The following PHRF1 variants were observed in gnomAD, a reference collection of about 807,000 sequenced individuals.
PHRF1 encodes the protein PHD and RING finger domain-containing protein 1.
In PHRF1, 53 loss-of-function variants were observed where a neutral mutation model predicts 128.9. The observed-to-expected ratio is 0.41, with a 90% confidence interval of 0.33 to 0.52. The LOEUF is 0.52. Ranked by LOEUF, PHRF1 falls within the 20% of genes least tolerant of loss-of-function variation. The pLI, the probability that PHRF1 is intolerant of heterozygous loss-of-function variation, is 0.21. For missense variants in PHRF1, 2,503 were observed against 2,284.5 expected, an observed-to-expected ratio of 1.10 and a Z score of -1.95; for synonymous variants, 1,178 against 980.6, an observed-to-expected ratio of 1.20 and a Z score of -3.76.
rs1434083274 is a variant in PHRF1, at chr11:576,472, A to G, written c.-142A>G. 6.6e-6 allele frequency: 1 copy of G among 152,546 alleles called. No individual in the cohort carries two copies. Among genetic ancestry groups the G allele is most frequent in the Admixed American group, 6.5e-5 (1 of 15,272 alleles). 9.4% of individuals were successfully genotyped at this position (152,546 alleles called of 1,614,324 possible). On this transcript the variant is annotated 5_prime_UTR_variant, in exon 1 of 18. Coordinates refer to ENST00000264555, the MANE Select transcript of PHRF1 (RefSeq NM_001286581.2). The stretch of plus-strand genomic sequence containing the variant: ...GAGGAGCCCGGAAGAGGCGCCGTGC[A>G]CTTCCGGGTCGAAGAGCGCACGGCG...
intron 4 of PHRF1, 38 bp from the exon 5 acceptor site, chr11:591,346 G>A (rs1230436138): frequency 6.5e-7 from 1 of 1,541,466 alleles, no homozygotes; most frequent in Admixed American, 1.8e-5. Flanking sequence ...AAGTGAAAGT[G>A]ATTGACAAGA....
chr11:600,002 T>A lies in PHRF1; in HGVS notation c.1024+1500T>A, dbSNP rs536760696. ...TGTTGATGGGCGTTTGGCTGGGTGT[T>A]TTTTGCAGTTAAAATTGTTTTAATC... On this transcript the variant is annotated intron_variant, in intron 9 of 17. Coordinates refer to ENST00000264555, the MANE Select transcript of PHRF1 (RefSeq NM_001286581.2). 1.0e-3 allele frequency among the ~76,000 whole-genome samples: 154 copies of A among 152,264 alleles called. No individual in the cohort carries two copies. In the Middle Eastern group the frequency reaches 0.01, roughly 10 times the overall value.
chr11:590,140 G>T (rs1360102791), intron 4 of PHRF1, among the ~76,000 whole-genome samples: 1 of 151,204 alleles, frequency 6.6e-6, no homozygotes, highest in Non-Finnish European at 1.5e-5. Flanking sequence ...TCAGCAGCAG[G>T]GCTCCTCTGG....
chr11:600,827 A>T (rs1478986819), intron 9 of PHRF1, among the ~76,000 whole-genome samples: 1 of 152,098 alleles, frequency 6.6e-6, no homozygotes, highest in African/African-American at 2.4e-5. Flanking sequence ...TTAGCCGGGC[A>T]TGGTGGCGGG....
Position 608,998 on chromosome 11 carries a change from G to C in PHRF1, c.3542G>C (p.Arg1181Pro), listed in dbSNP as rs761451455. ...RAREHRRPRS[R>P]EKWPQTRSHS... is the part of the protein sequence containing the mutation. Reference sequence around the variant, plus strand: ...CGGGAGCACAGGCGGCCTCGGTCCCGTGAGAAGTGGCCGCAGACCCGGTCC... The same window carrying C: ...CGGGAGCACAGGCGGCCTCGGTCCCCTGAGAAGTGGCCGCAGACCCGGTCC... The change falls in exon 14 of 18, where the codon CGT becomes CCT. Residue 1181 changes from arginine to proline, a missense_variant. Arg to Pro is a moderately radical substitution (Grantham distance 103). Coordinates refer to ENST00000264555, the MANE Select transcript of PHRF1 (RefSeq NM_001286581.2). The C allele has an allele frequency of 6.2e-7, 1 of 1,602,284 alleles. No homozygotes were observed. The highest frequency in any genetic ancestry group is 8.5e-7 in the Non-Finnish European group (1 of 1,175,470).
chr11:598,138 C>T (rs1263005089), intron 8 of PHRF1, among the ~76,000 whole-genome samples: 1 of 152,244 alleles, frequency 6.6e-6, no homozygotes, highest in African/African-American at 2.4e-5. Context: ...CTGGTGCCCT[C>T]TCGTGTGCCC....
At chr11:583,391 C>T (rs998373787) in intron 3 of PHRF1, among the ~76,000 whole-genome samples, 4 of 151,598 alleles carry the variant, frequency 2.6e-5, no homozygotes, top group African/African-American at 7.3e-5. Context: ...GTGGTGCGTG[C>T]CTGTAATCCC....
In PHRF1 at chr11:606,471, C is replaced by G. The variant is rs553479577; in HGVS notation, c.1484C>G (p.Pro495Arg). ...RRRLPAAVPEPDLEEEPVPDL... is the reference protein window; with the variant it reads ...RRRLPAAVPERDLEEEPVPDL... ...CGCCTCCCTGCCGCGGTGCCAGAGC[C>G]AGACTTGGAGGAGGAGCCAGTGCCT... The change falls in exon 13 of 18, where the codon CCA becomes CGA. Residue 495 changes from proline (P) to arginine (R), a missense_variant. By Grantham distance (103) the Pro-to-Arg change is moderately radical. Coordinates refer to ENST00000264555, the MANE Select transcript of PHRF1 (RefSeq NM_001286581.2). 1.3e-5 allele frequency: 20 copies of G among 1,585,116 alleles called. 1 individual carries two copies. In the South Asian group the frequency reaches 1.8e-4, roughly 15 times the overall value.
rs754186945 is a variant in PHRF1 at position 587,302 on chromosome 11, A to G, written c.258A>G (p.Val86=). The G allele has an allele frequency of 1.2e-6, 2 of 1,613,658 alleles. No homozygotes were observed. Among genetic ancestry groups the G allele is most frequent in the Non-Finnish European group, 8.5e-7 (1 of 1,179,892 alleles). The change falls in exon 4 of 18, where the codon GTA becomes GTG. Residue 86 remains valine (V), a synonymous_variant. Coordinates refer to ENST00000264555, the MANE Select transcript of PHRF1 (RefSeq NM_001286581.2). ...ACGACGGGGAGACATTGCTGGAGGT[A>G]GCGGGTACTCAGGGGAAACTGGAAG... is the stretch of plus-strand genomic sequence containing the variant. ...SEDDGETLLE[V]AGTQGKLEAA...
At chr11:586,583 T>C (rs1392412809) in intron 3 of PHRF1, among the ~76,000 whole-genome samples, 2 of 152,222 alleles carry the variant, frequency 1.3e-5, no homozygotes, top group East Asian at 1.9e-4. Flanking sequence ...CTGTTTACTT[T>C]AGCGTTGTTT....
At chr11:591,806 G>A (rs374286068) in intron 5 of PHRF1, among the ~76,000 whole-genome samples, 2 of 152,078 alleles carry the variant, frequency 1.3e-5, no homozygotes, top group Non-Finnish European at 2.9e-5. Context: ...GAGTGCAGTA[G>A]CACAATCACA....
In PHRF1 at chr11:608,917, G is replaced by T; in HGVS notation, c.3461G>T (p.Trp1154Leu). Residue 1154 changes from tryptophan (W) to leucine (L), a missense_variant, in exon 14 of 18, where the codon TGG becomes TTG. Coordinates refer to ENST00000264555, the MANE Select transcript of PHRF1 (RefSeq NM_001286581.2). Reference protein sequence around the residue: ...ERPDRKESVAWPRDRRKRRSR... With the variant: ...ERPDRKESVALPRDRRKRRSR... ...CCAGACAGGAAGGAGAGTGTGGCGTGGCCCCGAGACCGGAGGAAGCGGAGG... is the reference window on the plus strand; with the variant it reads ...CCAGACAGGAAGGAGAGTGTGGCGTTGCCCCGAGACCGGAGGAAGCGGAGG... 1 of 1,612,200 alleles carries T rather than the reference G, an allele frequency of 6.2e-7. No homozygotes were observed. Among genetic ancestry groups the T allele is most frequent in the Middle Eastern group, 1.7e-4 (1 of 6,060 alleles).
At chr11:602,299 C>T (rs1855671750) in intron 10 of PHRF1, among the ~76,000 whole-genome samples, 1 of 152,096 alleles carries the variant, frequency 6.6e-6, no homozygotes, top group Non-Finnish European at 1.5e-5. Flanking sequence ...GTGTGTCATT[C>T]GTGTGCATGT....
rs1185351961 is a variant in PHRF1 at position 610,675 on chromosome 11, C to T, written c.4591C>T (p.Pro1531Ser). ...CGCTGCCCTGACCCCAGCCTCAGAG[C>T]CAGCCAGTCAAGCCACTGCAGCCAG... ...VPAALTPASE[P>S]ASQATAASNS... Residue 1531 changes from proline (P) to serine (S), a missense_variant, in exon 16 of 18, where the codon CCA becomes TCA. Pro to Ser is a moderately conservative substitution (Grantham distance 74). Coordinates refer to ENST00000264555, the MANE Select transcript of PHRF1 (RefSeq NM_001286581.2). 7 of 1,603,634 alleles carry T rather than the reference C, an allele frequency of 4.4e-6. No homozygotes were observed. The highest frequency in any genetic ancestry group is 1.7e-5 in the Admixed American group (1 of 60,010).
At chr11:587,527 C>A (rs1854643351) in intron 4 of PHRF1, 63 bp downstream of exon 4, 1 of 1,534,958 alleles carries the variant, frequency 6.5e-7, no homozygotes, top group Non-Finnish European at 9.0e-7. Flanking sequence ...TATAGGTGAC[C>A]CAGCCTGTGT....
chr11:603,875 G>T (rs1251742581), intron 10 of PHRF1, among the ~76,000 whole-genome samples: 1 of 150,892 alleles, frequency 6.6e-6, no homozygotes, highest in Non-Finnish European at 1.5e-5. Flanking sequence ...GCTAAGTTTT[G>T]TATTTTTAGT....
At position 581,493 on chromosome 11, in the gene PHRF1, G is replaced by A. The variant is rs762125710; in HGVS notation, c.-20G>A. On this transcript the variant is annotated splice_region_variant and 5_prime_UTR_variant, in exon 2 of 18. Transcript: ENST00000264555. Reference sequence around the variant, plus strand: ...TTGCTTGGCTCTTCTTTCTTTCAGAGCTGAGCTCAATGTGCAGCAATGGAT... The same window carrying A: ...TTGCTTGGCTCTTCTTTCTTTCAGAACTGAGCTCAATGTGCAGCAATGGAT... 4 of 1,613,096 alleles carry A rather than the reference G, an allele frequency of 2.5e-6. No individual in the cohort carries two copies. The Admixed American group carries it at 6.7e-5, about 27-fold the overall frequency.
chr11:608,877 C>A lies in PHRF1; in HGVS notation c.3421C>A (p.Arg1141Ser), dbSNP rs200491500. The A allele has an allele frequency of 3.7e-6, 6 of 1,612,230 alleles. No individual in the cohort carries two copies. The African/African-American group carries it at 5.3e-5, about 14-fold the overall frequency. ...RLCRHKHQRE[R>S]SHERPDRKES... ...CTGCAGGCACAAGCATCAGCGGGAA[C>A]GCAGCCACGAGCGGCCAGACAGGAA... The change falls in exon 14 of 18, where the codon CGC (arginine) becomes AGC (serine). Residue 1141 changes from arginine (R) to serine (S), a missense_variant. Arg to Ser is a moderately radical substitution (Grantham distance 110). Transcript: ENST00000264555.
intron 4 of PHRF1, among the ~76,000 whole-genome samples, chr11:589,002 A>G (rs912037811): frequency 2.0e-5 from 3 of 151,952 alleles, no homozygotes; most frequent in African/African-American, 7.3e-5. Flanking sequence ...CGGGCGTGGT[A>G]CCACGTACCT....
Sources: gnomAD v4.1 joint callset for allele counts (sites outside exome capture counted in the v4.1 genomes callset) on GRCh38, gnomAD v4.1.1 for gene constraint, MANE v1.5 for transcripts, NCBI Gene and HGNC (gene_info 2026-07-23, HGNC 2026-07-21) for gene names.